The following SCAPER variants were observed in gnomAD, a reference collection of about 807,000 sequenced individuals.
SCAPER encodes the protein S-phase cyclin A associated protein in the ER, also known as S phase cyclin A-associated protein in the endoplasmic reticulum.
In SCAPER, 98 loss-of-function variants were observed where a neutral mutation model predicts 182.2. The observed-to-expected ratio is 0.54, with a 90% CI of 0.46 to 0.64. The LOEUF (loss-of-function observed/expected upper bound fraction) is 0.64. Ranked by LOEUF, SCAPER falls within the 30% of genes least tolerant of loss-of-function variation. The probability of loss-of-function intolerance (pLI) is 0.00; values close to 1 mark genes in which losing one functional copy is unlikely to be tolerated. For synonymous variants in SCAPER, 605 were observed against 564.6 expected, an observed-to-expected ratio of 1.07 and a Z score of -1.01; for missense variants, 1,432 against 1,690.0, an observed-to-expected ratio of 0.85 and a Z score of 2.68.
chr15:76,869,258 G>C (rs1023492409), intron 2 of SCAPER, among the ~76,000 whole-genome samples: 2 of 152,006 alleles, frequency 1.3e-5, no homozygotes, highest in African/African-American at 4.8e-5. Flanking sequence ...AACAAAAATA[G>C]ACAAATGAGA....
At chr15:76,484,800 A>G (rs2051462238) in intron 24 of SCAPER, among the ~76,000 whole-genome samples, 1 of 152,176 alleles carries the variant, frequency 6.6e-6, no homozygotes, top group Non-Finnish European at 1.5e-5. Context: ...AGAACTAAAG[A>G]CAAAAACTAC....
At chr15:76,509,695 T>C (rs1230254938) in intron 23 of SCAPER, among the ~76,000 whole-genome samples, 3 of 152,044 alleles carry the variant, frequency 2.0e-5, no homozygotes, top group African/African-American at 7.3e-5. Flanking sequence ...AATGCTACCA[T>C]CATTCTTCAC....
intron 4 of SCAPER, among the ~76,000 whole-genome samples, chr15:76,853,132 A>G (rs1046346672): frequency 2.6e-5 from 4 of 152,210 alleles, no homozygotes; most frequent in African/African-American, 9.6e-5. Context: ...AACCAGGAAC[A>G]AACTGATTCT....
At chr15:76,608,141 T>C (rs1408548807) in intron 22 of SCAPER, among the ~76,000 whole-genome samples, 1 of 152,164 alleles carries the variant, frequency 6.6e-6, no homozygotes, top group African/African-American at 2.4e-5. Flanking sequence ...TCCCCATCTT[T>C]GTGGTTTTAT....
At chr15:76,554,657 G>GA (rs929797876) in intron 23 of SCAPER, among the ~76,000 whole-genome samples, 1 of 151,628 alleles carries the variant, frequency 6.6e-6, no homozygotes, top group African/African-American at 2.4e-5. Context: ...AATAAAAAAA[G>GA]AAAGAAACAG....
chr15:76,541,009 T>C (rs1330884213), intron 23 of SCAPER, among the ~76,000 whole-genome samples: 1 of 151,908 alleles, frequency 6.6e-6, no homozygotes, highest in African/African-American at 2.4e-5. Flanking sequence ...TAATCCCAGC[T>C]ACTCAGGAGG....
intron 24 of SCAPER, among the ~76,000 whole-genome samples, chr15:76,500,509 G>A (rs1053555616): frequency 5.9e-5 from 9 of 152,108 alleles, no homozygotes; most frequent in Non-Finnish European, 1.3e-4. Context: ...GATGTGGAGG[G>A]CCAGTTTAGT....
chr15:76,725,407 G>A (rs918996939), intron 17 of SCAPER, among the ~76,000 whole-genome samples: 2 of 130,986 alleles, frequency 1.5e-5, no homozygotes, highest in Non-Finnish European at 3.6e-5. Context: ...CTCTCTCTTA[G>A]TGTATACATT....
intron 26 of SCAPER, among the ~76,000 whole-genome samples, chr15:76,430,604 T>G (rs1200523471): frequency 6.6e-6 from 1 of 152,246 alleles, no homozygotes; most frequent in African/African-American, 2.4e-5. Context: ...CCCCTTTGTT[T>G]TGGCCAATTT....
intron 26 of SCAPER, among the ~76,000 whole-genome samples, chr15:76,424,889 C>A (rs1014709782): frequency 2.0e-5 from 3 of 152,154 alleles, no homozygotes; most frequent in Admixed American, 6.5e-5. Flanking sequence ...CTTAGTTTGG[C>A]AGGATATGAA....
chr15:76,514,109 C>T (rs114311744), intron 23 of SCAPER, among the ~76,000 whole-genome samples: 1 of 152,300 alleles, frequency 6.6e-6, no homozygotes, highest in African/African-American at 2.4e-5. Context: ...CTGAAAATAT[C>T]TCATTCTAGA....
intron 23 of SCAPER, among the ~76,000 whole-genome samples, chr15:76,571,878 TC>T (rs1239011670): frequency 6.6e-6 from 1 of 152,172 alleles, no homozygotes; most frequent in Non-Finnish European, 1.5e-5. Context: ...CACTGAAATG[TC>T]AGTATTACTC....
At chr15:76,661,621 C>G (rs2056175437) in intron 21 of SCAPER, among the ~76,000 whole-genome samples, 1 of 152,030 alleles carries the variant, frequency 6.6e-6, no homozygotes, top group South Asian at 2.1e-4. Flanking sequence ...CAAATCAAAA[C>G]CACAATGAGA....
chr15:76,756,961 AAT>A (rs1365448924), intron 14 of SCAPER, among the ~76,000 whole-genome samples: 1 of 152,170 alleles, frequency 6.6e-6, no homozygotes, highest in African/African-American at 2.4e-5. Context: ...CGCAATGATC[AAT>A]AGTTATTCTG....
intron 23 of SCAPER, among the ~76,000 whole-genome samples, chr15:76,543,554 AATCTGGAAACTAG>A (rs2044978712): frequency 6.6e-6 from 1 of 152,192 alleles, no homozygotes; most frequent in South Asian, 2.1e-4. Flanking sequence ...CCAATGCTGA[AATCTGGAAACTAG>A]ATATATCTGC....
Position 76,870,627 on chromosome 15 carries a change from C to T in SCAPER, c.7-8094G>A, listed in dbSNP as rs78639086. ...AGAATCAAAAAACTGAAATTAAGAACTCAATGAATGGGTTTAACAAGAAAT... is the reference window on the plus strand; with the variant it reads ...AGAATCAAAAAACTGAAATTAAGAATTCAATGAATGGGTTTAACAAGAAAT... On this transcript the variant is annotated intron_variant, in intron 2 of 31. Coordinates refer to ENST00000563290, the MANE Select transcript of SCAPER (RefSeq NM_020843.4). Among the ~76,000 whole-genome samples the T allele has an allele frequency of 4.6e-3, 699 of 151,806 alleles. 7 individuals carry two copies. The highest frequency in any genetic ancestry group is 0.016 in the African/African-American group (666 of 41,440).
intron 21 of SCAPER, among the ~76,000 whole-genome samples, chr15:76,628,625 G>A (rs1385064040): frequency 6.6e-6 from 1 of 152,068 alleles, no homozygotes; most frequent in East Asian, 1.9e-4. Context: ...TGTTCCATTG[G>A]TCTAGGTGCC....
At chr15:76,799,119 A>G (rs2151495813) in intron 7 of SCAPER, among the ~76,000 whole-genome samples, 1 of 152,326 alleles carries the variant, frequency 6.6e-6, no homozygotes, top group East Asian at 1.9e-4. Context: ...AATTTGTATG[A>G]CAATAACACA....
intron 15 of SCAPER, among the ~76,000 whole-genome samples, chr15:76,743,133 G>A (rs933376901): frequency 2.6e-5 from 4 of 152,068 alleles, no homozygotes; most frequent in African/African-American, 7.2e-5. Context: ...CTACTAAGTG[G>A]TGGAGTCAGA....
Sources: gnomAD v4.1 joint callset for allele counts (sites outside exome capture counted in the v4.1 genomes callset) on GRCh38, gnomAD v4.1.1 for gene constraint, MANE v1.5 for transcripts, NCBI Gene and HGNC (gene_info 2026-07-23, HGNC 2026-07-21) for gene names.